Variants in SCN8A observed in about 807,000 individuals in gnomAD.
The protein encoded by SCN8A is sodium voltage-gated channel alpha subunit 8, also known as sodium channel protein type 8 subunit alpha.
In SCN8A, 30 loss-of-function variants were observed where a neutral mutation model predicts 184.1. That is an observed-to-expected ratio of 0.16 (90% confidence interval 0.12 to 0.22). The LOEUF is 0.22. SCN8A is among the 10% of genes least tolerant of loss of function. The pLI, the probability that SCN8A is intolerant of heterozygous loss-of-function variation, is 1.00. For synonymous variants in SCN8A, 852 were observed against 907.0 expected, an observed-to-expected ratio of 0.94 and a Z score of 1.09; for missense variants, 1,057 against 2,498.9, an observed-to-expected ratio of 0.42 and a Z score of 12.30.
At chr12:51,645,523 G>T (rs934273411) in intron 1 of SCN8A, among the ~76,000 whole-genome samples, 1 of 152,114 alleles carries the variant, frequency 6.6e-6, no homozygotes. Flanking sequence ...AGGGGGGAAA[G>T]GTGGGGAAAA....
chr12:51,791,815 C>T (rs1458759598), intron 25 of SCN8A, among the ~76,000 whole-genome samples: 1 of 152,144 alleles, frequency 6.6e-6, no homozygotes, highest in Non-Finnish European at 1.5e-5. Flanking sequence ...GAGGCCAAGA[C>T]TGCAGTGAGC....
In SCN8A at chr12:51,807,526, A is replaced by G. The variant is rs1368125829; in HGVS notation, c.*97A>G. The G allele has an allele frequency of 3.1e-6, 4 of 1,284,640 alleles. No homozygotes were observed. In the South Asian group the frequency reaches 3.9e-5, roughly 12 times the overall value. 79.6% of individuals were successfully genotyped at this position (1,284,640 alleles called of 1,614,324 possible). ...TATTATCAATGCAGAACAGCTGTGG[A>G]GACTCTAACCTGAAGATCTATACCA... On this transcript the variant is annotated 3_prime_UTR_variant, in exon 27 of 27. Transcript: ENST00000627620. The surrounding 1 kb of genome is among the most constrained non-coding windows in gnomAD (Gnocchi z 4.5).
chr12:51,812,672 G>GTATC lies in SCN8A; in HGVS notation c.*5245_*5248dup, dbSNP rs1310479662. 1 of 152,162 alleles carries GTATC rather than the reference G, an allele frequency of 6.6e-6. No individual in the cohort carries two copies. Among genetic ancestry groups the GTATC allele is most frequent in the East Asian group, 1.9e-4 (1 of 5,198 alleles). The allele number at this position is 152,162 out of a possible 1,614,324, so 9.4% of individuals were successfully genotyped here. ...TTCAAGACAATTTTTTCCCCTTGCTGTATCTCCTTCCCTCACCTCCTCGAC... is the reference window on the plus strand; with the variant it reads ...TTCAAGACAATTTTTTCCCCTTGCTGTATCTATCTCCTTCCCTCACCTCCTCGAC... On this transcript the variant is annotated 3_prime_UTR_variant, in exon 27 of 27. Coordinates refer to ENST00000627620, the MANE Select transcript of SCN8A (RefSeq NM_001330260.2).
intron 11 of SCN8A, among the ~76,000 whole-genome samples, chr12:51,721,101 ATATATAATATTTATTTATTGT>A (rs72450379): frequency 0.13 from 13,713 of 105,942 alleles, 982 homozygotes; most frequent in Admixed American, 0.18. Flanking sequence ...ATATATATAT[ATATATAATATTTATTTATTGT>A]TATATATATA....
intron 1 of SCN8A, among the ~76,000 whole-genome samples, chr12:51,631,159 A>C (rs1387198946): frequency 1.3e-5 from 2 of 152,086 alleles, no homozygotes; most frequent in Non-Finnish European, 2.9e-5. Context: ...TTAAACACCC[A>C]GGCTCCCTCC....
chr12:51,757,046 A>T (rs557889255), intron 14 of SCN8A, among the ~76,000 whole-genome samples: 2 of 152,068 alleles, frequency 1.3e-5, no homozygotes, highest in South Asian at 4.2e-4. Flanking sequence ...CCCCATATGG[A>T]TACTTCTTTT....
chr12:51,744,192 A>G (rs1215626140), intron 12 of SCN8A, among the ~76,000 whole-genome samples: 1 of 152,184 alleles, frequency 6.6e-6, no homozygotes, highest in Non-Finnish European at 1.5e-5. Context: ...AATCCCAGCT[A>G]TTCAGGAGGC....
intron 21 of SCN8A, 54 bp downstream of exon 21, chr12:51,780,825 C>A: frequency 6.9e-7 from 1 of 1,453,282 alleles, no homozygotes; most frequent in Non-Finnish European, 9.0e-7. Context: ...ACTGTTTAAG[C>A]ATGCTAGAAC....
chr12:51,693,899 G>C (rs911828777), intron 6 of SCN8A, among the ~76,000 whole-genome samples: 3 of 152,098 alleles, frequency 2.0e-5, no homozygotes, highest in African/African-American at 4.8e-5. Context: ...ACAAACTAGG[G>C]AATATGAATT....
chr12:51,785,905 G>A (rs1366702389), intron 21 of SCN8A, among the ~76,000 whole-genome samples: 1 of 152,188 alleles, frequency 6.6e-6, no homozygotes, highest in Admixed American at 6.5e-5. Context: ...AAAAAGGCTG[G>A]AGAAGTATAA....
intron 1 of SCN8A, among the ~76,000 whole-genome samples, chr12:51,655,613 A>G (rs188967864): frequency 1.0e-3 from 154 of 152,198 alleles, no homozygotes; most frequent in South Asian, 2.1e-3. Flanking sequence ...GCCTCAAGCG[A>G]TCTTCCCATC....
At chr12:51,649,481 G>A (rs567492763) in intron 1 of SCN8A, among the ~76,000 whole-genome samples, 2 of 152,314 alleles carry the variant, frequency 1.3e-5, no homozygotes, top group African/African-American at 4.8e-5. Flanking sequence ...TGGGCATCCC[G>A]GCATTTCCTT....
chr12:51,685,800 G>A (rs1941409631), intron 3 of SCN8A, among the ~76,000 whole-genome samples: 1 of 152,140 alleles, frequency 6.6e-6, no homozygotes, highest in Admixed American at 6.5e-5. Context: ...ACTTTAGAAG[G>A]CTGAGGATGT....
chr12:51,704,451 C>T (rs1387657033), intron 9 of SCN8A, among the ~76,000 whole-genome samples: 2 of 145,050 alleles, frequency 1.4e-5, no homozygotes, highest in Non-Finnish European at 3.0e-5. Flanking sequence ...AGGTGGATCA[C>T]TTGAGGCCAG....
rs1940955246 is a variant in SCN8A at position 51,662,989 on chromosome 12, G to A, written c.172G>A (p.Asp58Asn). ...DEDSKPKPNS[D>N]LEAGKSLPFI... Reference sequence around the variant, plus strand: ...GGACAGCAAGCCCAAGCCAAACAGCGACCTGGAAGCAGGGAAGAGTTTGCC... The same window carrying A: ...GGACAGCAAGCCCAAGCCAAACAGCAACCTGGAAGCAGGGAAGAGTTTGCC... Residue 58 changes from aspartate to asparagine, a missense_variant, in exon 2 of 27, where the codon GAC (aspartate) becomes AAC (asparagine). Asp to Asn is a conservative substitution (Grantham distance 23, BLOSUM62 1). Transcript: ENST00000627620. The A allele has an allele frequency of 1.9e-6, 3 of 1,614,030 alleles. No individual in the cohort carries two copies. Among genetic ancestry groups the A allele is most frequent in the Non-Finnish European group, 2.5e-6 (3 of 1,179,894 alleles).
chr12:51,639,063 C>T (rs1188937216), intron 1 of SCN8A, among the ~76,000 whole-genome samples: 1 of 152,088 alleles, frequency 6.6e-6, no homozygotes, highest in Admixed American at 6.5e-5. Flanking sequence ...TCACTGCAGC[C>T]TTGACCTCCG....
At chr12:51,772,194 G>A (rs1049648498) in intron 19 of SCN8A, among the ~76,000 whole-genome samples, 2 of 152,060 alleles carry the variant, frequency 1.3e-5, no homozygotes, top group Non-Finnish European at 2.9e-5. Context: ...TTGGGAGTTC[G>A]AGACCAGCCT....
chr12:51,644,015 T>G (rs1279955690), intron 1 of SCN8A, among the ~76,000 whole-genome samples: 1 of 152,250 alleles, frequency 6.6e-6, no homozygotes, highest in Non-Finnish European at 1.5e-5. Flanking sequence ...TGTGTGCATT[T>G]TCATTACTTT....
intron 12 of SCN8A, among the ~76,000 whole-genome samples, chr12:51,733,784 T>C (rs1942280427): frequency 6.6e-6 from 1 of 152,190 alleles, no homozygotes; most frequent in South Asian, 2.1e-4. Context: ...GATTTCTTCA[T>C]GGTTCAGTTT....
Sources: allele counts gnomAD v4.1 joint callset (sites outside exome capture counted in the v4.1 genomes callset), GRCh38; gene constraint gnomAD v4.1.1; non-coding constraint Gnocchi (gnomAD v3.1); transcripts MANE v1.5; gene names NCBI Gene and HGNC (gene_info 2026-07-23, HGNC 2026-07-21).